Variants in PTPN5 observed in about 807,000 individuals in gnomAD.
PTPN5 encodes protein tyrosine phosphatase non-receptor type 5.
PTPN5 carries 29 observed loss-of-function variants against 73.9 expected under a neutral mutation model. The observed-to-expected ratio is 0.39, with a 90% CI of 0.29 to 0.54. The LOEUF is 0.54. Among genes scored for constraint, PTPN5 ranks in the 20% least tolerant of loss-of-function variants. The probability of loss-of-function intolerance (pLI) is 0.65; values close to 1 mark genes in which losing one functional copy is unlikely to be tolerated. For synonymous variants in PTPN5, 267 were observed against 304.7 expected, an observed-to-expected ratio of 0.88 and a Z score of 1.29; for missense variants, 652 against 751.4, an observed-to-expected ratio of 0.87 and a Z score of 1.55.
In PTPN5 at chr11:18,744,049, G is replaced by T. The variant is rs948781811; in HGVS notation, c.248C>A (p.Thr83Asn). The change falls in exon 4 of 15, where the codon ACT (threonine) becomes AAT (asparagine). Residue 83 changes from threonine (T) to asparagine (N), a missense_variant. Physicochemically the swap from Thr to Asn is moderately conservative, Grantham distance 65. Around this residue, in one of 3 missense-constraint regions of PTPN5, gnomAD observed 529 missense variants for 573.9 expected, o/e 0.92. Coordinates refer to ENST00000358540, the MANE Select transcript of PTPN5 (RefSeq NM_006906.2). ...PPRGAGSHSL[T>N]VRSSLCLFAA... ...GAACAGGCACAGGCTGCTCCTGACA[G>T]TGAGGGAGTGGCTCCCAGCGCCTCG... The T allele has an allele frequency of 4.3e-6, 7 of 1,609,402 alleles. No individual in the cohort carries two copies. Among genetic ancestry groups the T allele is most frequent in the Middle Eastern group, 1.7e-4 (1 of 6,058 alleles).
At position 18,786,357 on chromosome 11, in the gene PTPN5, G is replaced by A. The variant is rs1851669905; in HGVS notation, c.-114+5168C>T. Among the ~76,000 whole-genome samples the A allele has an allele frequency of 2.0e-5, 3 of 151,930 alleles. 1 individual carries two copies. Among genetic ancestry groups the A allele is most frequent in the African/African-American group, 4.8e-5 (2 of 41,388 alleles). ...AGCTGGGACTACAGGCGCCTGCCAC[G>A]GCGCCTGGCTAATTTTTTGTATTTT... is the stretch of plus-strand genomic sequence containing the variant. On this transcript the variant is annotated intron_variant, in intron 1 of 14. Coordinates refer to ENST00000358540, the MANE Select transcript of PTPN5 (RefSeq NM_006906.2).
At chr11:18,748,551 C>A (rs1177361236) in intron 3 of PTPN5, among the ~76,000 whole-genome samples, 1 of 151,624 alleles carries the variant, frequency 6.6e-6, no homozygotes, top group East Asian at 1.9e-4. Flanking sequence ...TTTTTTTAAT[C>A]CAGCAAGATA....
At position 18,728,092 on chromosome 11, in the gene PTPN5, C is replaced by G. The variant is rs1168321576; in HGVS notation, c.*842G>C. 1 of 152,682 alleles carries G rather than the reference C, an allele frequency of 6.5e-6. No individual in the cohort carries two copies. The highest frequency in any genetic ancestry group is 1.5e-5 in the Non-Finnish European group (1 of 68,058). The allele number at this position is 152,682 out of a possible 1,614,324, so 9.5% of individuals were successfully genotyped here. ...ATGTTGCCAAAGAGTCATGCATGCC[C>G]TCCTGATGGGCTCTCAACACACGCA... On this transcript the variant is annotated 3_prime_UTR_variant, in exon 15 of 15. Transcript: ENST00000358540. This position sits in a 1 kb window ranked among gnomAD's most constrained non-coding sequence, Gnocchi z 4.1.
intron 9 of PTPN5, among the ~76,000 whole-genome samples, chr11:18,736,569 C>A (rs552341219): frequency 6.6e-6 from 1 of 152,186 alleles, no homozygotes; most frequent in Admixed American, 6.5e-5. Context: ...CAAACCTCAG[C>A]GCGTCCTGGA....
chr11:18,787,746 A>C (rs1026279299), intron 1 of PTPN5, among the ~76,000 whole-genome samples: 1 of 152,112 alleles, frequency 6.6e-6, no homozygotes, highest in South Asian at 2.1e-4. Context: ...CCCTCTTCCT[A>C]CTTAATTTTT....
rs543420855 is a variant in PTPN5, at chr11:18,783,758, G to A, written c.-114+7767C>T. Reference sequence around the variant, plus strand: ...CTCCACTAGACATTAAGCTCCTTGCGGGCAGGGTCCTTGTGGTCGTGTTGA... The same window carrying A: ...CTCCACTAGACATTAAGCTCCTTGCAGGCAGGGTCCTTGTGGTCGTGTTGA... On this transcript the variant is annotated intron_variant, in intron 1 of 14. Transcript: ENST00000358540. Among the ~76,000 whole-genome samples the A allele has an allele frequency of 5.9e-5, 9 of 152,264 alleles. No individual in the cohort carries two copies. The East Asian group carries it at 7.7e-4, about 13-fold the overall frequency.
At chr11:18,773,976 T>A (rs891401840) in intron 1 of PTPN5, among the ~76,000 whole-genome samples, 1 of 152,226 alleles carries the variant, frequency 6.6e-6, no homozygotes, top group African/African-American at 2.4e-5. Flanking sequence ...CTCTCTTGCC[T>A]GGAAGGCCAT....
intron 12 of PTPN5, 85 bp downstream of exon 12, chr11:18,732,507 A>C: frequency 1.1e-6 from 1 of 945,220 alleles, no homozygotes; most frequent in Non-Finnish European, 1.7e-6. Flanking sequence ...GTTACAGTGG[A>C]CTTGGGGGAC....
At chr11:18,772,695 T>G (rs1850959764) in intron 1 of PTPN5, among the ~76,000 whole-genome samples, 1 of 152,210 alleles carries the variant, frequency 6.6e-6, no homozygotes, top group Non-Finnish European at 1.5e-5. Flanking sequence ...TGTCCATTTT[T>G]CATTTGAGTC....
intron 1 of PTPN5, among the ~76,000 whole-genome samples, chr11:18,788,422 C>T (rs942613640): frequency 3.3e-5 from 5 of 152,198 alleles, no homozygotes; most frequent in African/African-American, 1.2e-4. Context: ...ACCCAACCTT[C>T]CTTCTCAAGT....
At chr11:18,773,055 G>A (rs1275278086) in intron 1 of PTPN5, among the ~76,000 whole-genome samples, 2 of 151,986 alleles carry the variant, frequency 1.3e-5, no homozygotes, top group Admixed American at 1.3e-4. Context: ...GGACGGGCCT[G>A]GAATTGACAC....
At chr11:18,732,394 G>GAAAT (rs764883306) in intron 12 of PTPN5, among the ~76,000 whole-genome samples, 198 bp downstream of exon 12, 1 of 152,196 alleles carries the variant, frequency 6.6e-6, no homozygotes, top group Non-Finnish European at 1.5e-5. Context: ...TGAGGACTGG[G>GAAAT]AAATGCAAGG....
In PTPN5 at chr11:18,742,228, C is replaced by T. The variant is rs1196435008; in HGVS notation, c.725+34G>A. On this transcript the variant is annotated intron_variant, in intron 7 of 14. Transcript: ENST00000358540. The surrounding 1 kb of genome is among the most constrained non-coding windows in gnomAD (Gnocchi z 4.1). ...TGATCAGGAGCTAAGAGCTCAAGGGCCCGTGGAGCCCACCCCTCCTCCACC... is the reference window on the plus strand; with the variant it reads ...TGATCAGGAGCTAAGAGCTCAAGGGTCCGTGGAGCCCACCCCTCCTCCACC... 1 of 1,611,886 alleles carries T rather than the reference C, an allele frequency of 6.2e-7. No individual in the cohort carries two copies. Among genetic ancestry groups the T allele is most frequent in the Admixed American group, 1.7e-5 (1 of 59,970 alleles).
chr11:18,743,071 C>T lies in PTPN5; in HGVS notation c.404G>A (p.Trp135Ter), dbSNP rs1354581544. ...TLLKQLEPTAWLDSGTWGVPS... is the reference protein window; with the variant it reads ...TLLKQLEPTA ...GACTCCCCACGTCCCAGAGTCAAGC[C>T]AGGCCTGGGGAACATCAGATAAACA... The change falls in exon 6 of 15, where the codon TGG becomes TAG. Residue 135 changes from tryptophan (W) to a stop codon, truncating the protein, a stop_gained. Transcript: ENST00000358540. LOFTEE classifies it high-confidence loss of function. The T allele has an allele frequency of 6.5e-7, 1 of 1,550,328 alleles. No individual in the cohort carries two copies. Among genetic ancestry groups the T allele is most frequent in the Non-Finnish European group, 8.7e-7 (1 of 1,145,706 alleles).
chr11:18,743,617 G>T (rs1220626710), intron 4 of PTPN5, 188 bp from the exon 5 acceptor site: 1 of 608,504 alleles, frequency 1.6e-6, no homozygotes. Context: ...TCTCCTTGGA[G>T]AAAAGCTGAC....
intron 1 of PTPN5, among the ~76,000 whole-genome samples, chr11:18,786,125 G>A (rs1230625836): frequency 1.3e-5 from 2 of 152,154 alleles, no homozygotes; most frequent in Non-Finnish European, 2.9e-5. Flanking sequence ...GCCAGACACC[G>A]GTGGCCATGA....
Position 18,744,061 on chromosome 11 carries a change from C to T in PTPN5, c.236G>A (p.Ser79Asn), listed in dbSNP as rs776681416. Residue 79 changes from serine to asparagine, a missense_variant, in exon 4 of 15, where the codon AGC becomes AAC. Transcript: ENST00000358540. ...AQKPPPRGAGSHSLTVRSSLC... is the reference protein window; with the variant it reads ...AQKPPPRGAGNHSLTVRSSLC... Reference sequence around the variant, plus strand: ...GCTGCTCCTGACAGTGAGGGAGTGGCTCCCAGCGCCTCGAGGTGGTGGCTT... The same window carrying T: ...GCTGCTCCTGACAGTGAGGGAGTGGTTCCCAGCGCCTCGAGGTGGTGGCTT... The T allele has an allele frequency of 6.2e-7, 1 of 1,609,462 alleles. No homozygotes were observed. The highest frequency in any genetic ancestry group is 8.5e-7 in the Non-Finnish European group (1 of 1,178,112).
At chr11:18,745,059 A>T (rs1208976544) in intron 3 of PTPN5, among the ~76,000 whole-genome samples, 1 of 152,226 alleles carries the variant, frequency 6.6e-6, no homozygotes, top group Non-Finnish European at 1.5e-5. Flanking sequence ...AAGAGTCTGA[A>T]TACCATTGGC....
At chr11:18,751,108 C>T (rs35909922) in intron 3 of PTPN5, among the ~76,000 whole-genome samples, 47,845 of 152,094 alleles carry the variant, frequency 0.31, 9,174 homozygotes, top group Admixed American at 0.47. Context: ...ACACCCTCAG[C>T]ACTCCCGTGG....
Sources: gnomAD v4.1 joint callset for allele counts (sites outside exome capture counted in the v4.1 genomes callset) on GRCh38, gnomAD v4.1.1 for gene constraint, gnomAD v4.1.1 regional missense constraint, Gnocchi (gnomAD v3.1) non-coding constraint, MANE v1.5 for transcripts, NCBI Gene and HGNC (gene_info 2026-07-23, HGNC 2026-07-21) for gene names.